The following CAB39L variants were observed in gnomAD, a reference collection of about 807,000 sequenced individuals.
CAB39L encodes calcium-binding protein 39-like.
CAB39L carries 23 observed loss-of-function variants against 39.1 expected under a neutral mutation model. The ratio of observed to expected loss-of-function variants is 0.59; its 90% CI spans 0.42 to 0.83. The LOEUF (loss-of-function observed/expected upper bound fraction) is 0.83, where lower values mean the gene tolerates loss of function less well. Ranked by LOEUF, CAB39L falls within the 40% of genes least tolerant of loss-of-function variation. The pLI, the probability that CAB39L is intolerant of heterozygous loss-of-function variation, is 0.00. For missense variants in CAB39L, 366 were observed against 391.9 expected (o/e 0.93, Z 0.56); for synonymous variants, 126 against 137.2 (o/e 0.92, Z 0.57).
chr13:49,316,331 TC>T (rs1954156860), intron 10 of CAB39L, among the ~76,000 whole-genome samples: 1 of 152,092 alleles, frequency 6.6e-6, no homozygotes, highest in African/African-American at 2.4e-5. Flanking sequence ...AGAGATCAAA[TC>T]AGTAACTTCC....
intron 7 of CAB39L, 31 bp from the exon 8 acceptor site, chr13:49,344,269 C>T: frequency 2.4e-6 from 3 of 1,232,574 alleles, no homozygotes; most frequent in Non-Finnish European, 3.6e-6. Flanking sequence ...TGAAACAAAA[C>T]TGTTATAGCT....
chr13:49,394,471 A>G (rs2138631496), intron 3 of CAB39L, among the ~76,000 whole-genome samples: 1 of 152,088 alleles, frequency 6.6e-6, no homozygotes, highest in East Asian at 1.9e-4. Flanking sequence ...GACAAATATG[A>G]ATCTAGAACC....
intron 3 of CAB39L, among the ~76,000 whole-genome samples, chr13:49,408,453 G>A (rs994521730): frequency 3.3e-5 from 5 of 152,140 alleles, no homozygotes; most frequent in African/African-American, 1.2e-4. Flanking sequence ...ATATCTGGGG[G>A]TCATCCATCC....
intron 3 of CAB39L, among the ~76,000 whole-genome samples, chr13:49,399,158 C>T (rs1218063574): frequency 6.6e-6 from 1 of 152,002 alleles, no homozygotes; most frequent in Non-Finnish European, 1.5e-5. Flanking sequence ...CAGTTTAGTC[C>T]TCATGCAATA....
At chr13:49,329,558 T>A (rs1228614822) in intron 10 of CAB39L, among the ~76,000 whole-genome samples, 3,607 of 13,182 alleles carry the variant, frequency 0.27, 483 homozygotes, top group East Asian at 0.6. Context: ...TATATATATA[T>A]ATATATATAT....
chr13:49,347,828 A>C (rs1049979608), intron 7 of CAB39L, among the ~76,000 whole-genome samples: 4 of 151,896 alleles, frequency 2.6e-5, no homozygotes, highest in Non-Finnish European at 5.9e-5. Context: ...TTCACCCAGC[A>C]GTCACTTCCA....
chr13:49,441,221 G>GTATA lies in CAB39L; in HGVS notation c.-246+2761_-246+2764dup, dbSNP rs59783079. 4.6e-3 allele frequency among the ~76,000 whole-genome samples: 556 copies of GTATA among 121,440 alleles called. 12 individuals are homozygous for GTATA. Among genetic ancestry groups the GTATA allele is most frequent in the South Asian group, 0.014 (56 of 4,032 alleles). The allele number at this position is 121,440 out of a possible 152,430, so 79.7% of individuals were successfully genotyped here. On this transcript the variant is annotated intron_variant, in intron 1 of 10. Coordinates refer to ENST00000409308, the MANE Select transcript of CAB39L (RefSeq NM_001079670.3). ...GATGATTTTCTTATAATGATTTAGT[G>GTATA]TATATATATATATATATATATATTC...
intron 3 of CAB39L, among the ~76,000 whole-genome samples, chr13:49,396,833 T>C (rs1448292560): frequency 6.6e-6 from 1 of 152,206 alleles, no homozygotes; most frequent in East Asian, 1.9e-4. Context: ...GCCTGTAAGA[T>C]TCATTTTTTA....
At chr13:49,441,230 T>TATATATATATATATATATAC in intron 1 of CAB39L, among the ~76,000 whole-genome samples, 1 of 135,170 alleles carries the variant, frequency 7.4e-6, no homozygotes, top group African/African-American at 2.6e-5. Flanking sequence ...TGTATATATA[T>TATATATATATATATATATAC]ATATATATAT....
At chr13:49,373,053 C>T (rs1277307324) in intron 5 of CAB39L, among the ~76,000 whole-genome samples, 1 of 152,174 alleles carries the variant, frequency 6.6e-6, no homozygotes, top group Non-Finnish European at 1.5e-5. Flanking sequence ...GCAGAAACAC[C>T]TTCAAGCTGA....
rs2138308194 is a variant in CAB39L at position 49,309,513 on chromosome 13, G to A, written c.*1301C>T. ...AACGATTCATGATTTAGAAACTGAAGTGTAAAAAATACAGATCAACAATTG... is the reference window on the plus strand; with the variant it reads ...AACGATTCATGATTTAGAAACTGAAATGTAAAAAATACAGATCAACAATTG... On this transcript the variant is annotated 3_prime_UTR_variant, in exon 11 of 11. Coordinates refer to ENST00000409308, the MANE Select transcript of CAB39L (RefSeq NM_001079670.3). 1 of 152,330 alleles carries A rather than the reference G, an allele frequency of 6.6e-6. No individual in the cohort carries two copies. Among genetic ancestry groups the A allele is most frequent in the South Asian group, 2.1e-4 (1 of 4,830 alleles). The allele number at this position is 152,330 out of a possible 1,614,324, so 9.4% of individuals were successfully genotyped here. A position where few individuals can be genotyped will look rare whatever the true frequency, so the allele number is the denominator to read the frequency against.
chr13:49,336,262 T>C (rs1019088473), intron 9 of CAB39L, among the ~76,000 whole-genome samples: 1 of 152,074 alleles, frequency 6.6e-6, no homozygotes, highest in Non-Finnish European at 1.5e-5. Flanking sequence ...CTTCCTATAA[T>C]CTAACATTAA....
intron 4 of CAB39L, among the ~76,000 whole-genome samples, chr13:49,377,556 C>A (rs1208838803): frequency 1.1e-5 from 1 of 88,544 alleles, no homozygotes; most frequent in Admixed American, 9.8e-5. Context: ...CACGCGCCGC[C>A]ACGCCTGACT....
At chr13:49,415,243 G>A (rs918920416) in intron 3 of CAB39L, among the ~76,000 whole-genome samples, 29 of 150,776 alleles carry the variant, frequency 1.9e-4, no homozygotes, top group African/African-American at 5.4e-4. Context: ...GTGGCCAGGC[G>A]CGGTGGCTCA....
intron 1 of CAB39L, among the ~76,000 whole-genome samples, chr13:49,436,283 C>A (rs1372216530): frequency 6.6e-6 from 1 of 152,126 alleles, no homozygotes; most frequent in African/African-American, 2.4e-5. Context: ...ACACAATGAG[C>A]CTTTTCAACA....
intron 4 of CAB39L, among the ~76,000 whole-genome samples, chr13:49,381,441 C>G (rs1004311674): frequency 6.6e-6 from 1 of 152,170 alleles, no homozygotes; most frequent in Non-Finnish European, 1.5e-5. Flanking sequence ...AGGACATTTT[C>G]AGCACCCAGG....
At chr13:49,388,894 T>C (rs1486328056) in intron 3 of CAB39L, among the ~76,000 whole-genome samples, 1 of 152,166 alleles carries the variant, frequency 6.6e-6, no homozygotes, top group Non-Finnish European at 1.5e-5. Flanking sequence ...GGTAGCTATT[T>C]GGTCCGGGTT....
chr13:49,341,101 G>A (rs970956621), intron 8 of CAB39L, among the ~76,000 whole-genome samples: 43 of 152,218 alleles, frequency 2.8e-4, no homozygotes, highest in Admixed American at 7.8e-4. Flanking sequence ...ATTTATCCAC[G>A]TTATCTTAGC....
chr13:49,423,305 C>A (rs1042915195), intron 3 of CAB39L, among the ~76,000 whole-genome samples: 4 of 152,208 alleles, frequency 2.6e-5, no homozygotes, highest in Admixed American at 1.3e-4. Context: ...ATTTTGAGAA[C>A]CACTGCCTTA....
Sources: gnomAD v4.1 joint callset for allele counts (sites outside exome capture counted in the v4.1 genomes callset) on GRCh38, gnomAD v4.1.1 for gene constraint, MANE v1.5 for transcripts, NCBI Gene and HGNC (gene_info 2026-07-23, HGNC 2026-07-21) for gene names.